Variants in COX5A observed in about 807,000 individuals in gnomAD.
COX5A encodes cytochrome c oxidase subunit 5A.
In COX5A, 6 loss-of-function variants were observed where a neutral mutation model predicts 16.1. The observed-to-expected ratio is 0.37, with a 90% CI of 0.20 to 0.73. The LOEUF (loss-of-function observed/expected upper bound fraction) is 0.73, where lower values mean the gene tolerates loss of function less well. COX5A is among the 30% of genes least tolerant of loss of function. The pLI, the probability that COX5A is intolerant of heterozygous loss-of-function variation, is 0.50. For synonymous variants in COX5A, 73 were observed against 73.8 expected, an observed-to-expected ratio of 0.99 and a Z score of 0.06; for missense variants, 159 against 194.9, an observed-to-expected ratio of 0.82 and a Z score of 1.10.
rs1363914813 is a variant in COX5A at position 74,919,908 on chromosome 15, AAGAG to A, written c.*540_*543del. On this transcript the variant is annotated 3_prime_UTR_variant, in exon 5 of 5. Transcript: ENST00000322347. ...ACAGGTAGGAAAGGAAAGGGGCACT[AAGAG>A]AGGAACACACCGTAAGAGGGCTTGG... 3 of 155,068 alleles carry A rather than the reference AAGAG, an allele frequency of 1.9e-5. No individual in the cohort carries two copies. The highest frequency in any genetic ancestry group is 7.2e-5 in the African/African-American group (3 of 41,534). 9.6% of individuals were successfully genotyped at this position (155,068 alleles called of 1,614,324 possible).
rs1371923673 is a variant in COX5A, at chr15:74,929,159, T to C, written c.174A>G (p.Thr58=). Residue 58 remains threonine (T), a synonymous_variant, in exon 2 of 5, where the codon ACA becomes ACG. Transcript: ENST00000322347. The part of the protein sequence containing the change: ...TDEEFDARWV[T]YFNKPDIDAW... ...CATCTATATCTGGCTTGTTGAAGTA[T>C]GTTACCCAGCGAGCATCAAACTCCT... 1 of 1,614,148 alleles carries C rather than the reference T, an allele frequency of 6.2e-7. No homozygotes were observed. Among genetic ancestry groups the C allele is most frequent in the Non-Finnish European group, 8.5e-7 (1 of 1,179,970 alleles).
intron 1 of COX5A, among the ~76,000 whole-genome samples, chr15:74,930,949 G>A (rs1369874625): frequency 2.1e-5 from 3 of 141,882 alleles, no homozygotes; most frequent in South Asian, 4.7e-4. Context: ...CCCAGGAGGC[G>A]GAGCTTGCAG....
chr15:74,922,750 C>T (rs761588836), intron 4 of COX5A, among the ~76,000 whole-genome samples: 28 of 150,748 alleles, frequency 1.9e-4, no homozygotes, highest in Middle Eastern at 6.9e-3. Context: ...ACTGCAACCT[C>T]TGCCTCCTGG....
chr15:74,922,446 T>C (rs1182428389), intron 4 of COX5A, among the ~76,000 whole-genome samples: 1 of 152,226 alleles, frequency 6.6e-6, no homozygotes, highest in African/African-American at 2.4e-5. Flanking sequence ...CTGTTCAGTT[T>C]CTCAACAGGA....
At chr15:74,925,258 A>AC (rs2065338401) in intron 3 of COX5A, among the ~76,000 whole-genome samples, 1 of 152,056 alleles carries the variant, frequency 6.6e-6, no homozygotes, top group Non-Finnish European at 1.5e-5. Context: ...AGCTGAGATC[A>AC]CGCAATGATT....
At chr15:74,932,184 T>G (rs1394268106) in intron 1 of COX5A, among the ~76,000 whole-genome samples, 3 of 152,236 alleles carry the variant, frequency 2.0e-5, no homozygotes, top group South Asian at 2.1e-4. Flanking sequence ...AAACTAACCC[T>G]TATCTAAAAA....
chr15:74,925,875 T>A (rs910678850), intron 3 of COX5A, among the ~76,000 whole-genome samples: 15 of 151,688 alleles, frequency 9.9e-5, no homozygotes, highest in Admixed American at 9.9e-4. Flanking sequence ...CCTTTCTTTT[T>A]TTTTTTAGAG....
Position 74,920,341 on chromosome 15 carries a change from A to G in COX5A, c.*111T>C. The G allele has an allele frequency of 1.5e-6, 1 of 685,872 alleles. No homozygotes were observed. Among genetic ancestry groups the G allele is most frequent in the South Asian group, 1.6e-5 (1 of 61,958 alleles). The allele number at this position is 685,872 out of a possible 1,614,324, so 42.5% of individuals were successfully genotyped here. ...ACCATTACATGGCTTGGTACTCAAT[A>G]AAGGAAAACTTGTTCAAATAAGGTA... On this transcript the variant is annotated 3_prime_UTR_variant, in exon 5 of 5. Coordinates refer to ENST00000322347, the MANE Select transcript of COX5A (RefSeq NM_004255.4).
intron 1 of COX5A, among the ~76,000 whole-genome samples, chr15:74,934,146 G>T (rs941067855): frequency 3.9e-5 from 6 of 152,190 alleles, no homozygotes; most frequent in African/African-American, 1.2e-4. Context: ...CTACTCAGGA[G>T]GCTGAGGCGG....
intron 1 of COX5A, among the ~76,000 whole-genome samples, chr15:74,935,632 A>T (rs184428900): frequency 5.2e-4 from 79 of 151,742 alleles, no homozygotes; most frequent in African/African-American, 1.1e-3. Context: ...AATAAATAAA[A>T]AATTTTTTTT....
Position 74,937,615 on chromosome 15 carries a change from AGGG to A in COX5A, c.100+297_100+299del, listed in dbSNP as rs143946640. On this transcript the variant is annotated intron_variant, in intron 1 of 4. Transcript: ENST00000322347. The stretch of plus-strand genomic sequence containing the variant: ...GTGGCCGCAGGGTCGGCGCTGGGGC[AGGG>A]TCATGGCCCGGGAACCGAAGGGGAG... The A allele has an allele frequency of 2.1e-3, 488 of 235,350 alleles. 2 individuals carry two copies. Among genetic ancestry groups the A allele is most frequent in the African/African-American group, 0.01 (461 of 44,374 alleles). 14.6% of individuals were successfully genotyped at this position (235,350 alleles called of 1,614,324 possible).
intron 1 of COX5A, among the ~76,000 whole-genome samples, chr15:74,934,246 A>G (rs772202446): frequency 2.0e-5 from 3 of 152,190 alleles, no homozygotes; most frequent in Non-Finnish European, 4.4e-5. Context: ...AACACTCTAT[A>G]TCAAACAAAT....
chr15:74,936,658 G>A (rs376361997), intron 1 of COX5A, among the ~76,000 whole-genome samples: 4 of 122,098 alleles, frequency 3.3e-5, no homozygotes. Flanking sequence ...ACGGAGTCTC[G>A]CTCTGTCGGC....
chr15:74,920,602 G>A (rs1309907926), intron 4 of COX5A, among the ~76,000 whole-genome samples, 160 bp from the exon 5 acceptor site: 1 of 152,200 alleles, frequency 6.6e-6, no homozygotes, highest in Non-Finnish European at 1.5e-5. Context: ...CAAGCGACTA[G>A]CTTTGTGGCT....
intron 1 of COX5A, among the ~76,000 whole-genome samples, chr15:74,936,323 A>C (rs968878054): frequency 2.9e-4 from 44 of 151,132 alleles, no homozygotes; most frequent in Non-Finnish European, 3.5e-4. Flanking sequence ...ACAAAAAAAA[A>C]CAAGGAGTCA....
At chr15:74,933,521 C>G (rs1566982042) in intron 1 of COX5A, among the ~76,000 whole-genome samples, 1 of 152,046 alleles carries the variant, frequency 6.6e-6, no homozygotes, top group East Asian at 1.9e-4. Flanking sequence ...GAACTTAGGG[C>G]CAGATGCAGT....
chr15:74,922,421 A>C (rs887678100), intron 4 of COX5A, among the ~76,000 whole-genome samples: 4 of 152,130 alleles, frequency 2.6e-5, no homozygotes, highest in Non-Finnish European at 4.4e-5. Flanking sequence ...TAGATTACAA[A>C]GTTTTCAGCA....
intron 1 of COX5A, among the ~76,000 whole-genome samples, chr15:74,933,950 G>C (rs2065377866): frequency 6.6e-6 from 1 of 152,158 alleles, no homozygotes; most frequent in South Asian, 2.1e-4. Flanking sequence ...TTGATCATAT[G>C]TCTTCTGGAA....
chr15:74,923,772 T>C lies in COX5A; in HGVS notation c.340-2A>G. On this transcript the variant is annotated splice_acceptor_variant, in intron 3 of 4. Coordinates refer to ENST00000322347, the MANE Select transcript of COX5A (RefSeq NM_004255.4). LOFTEE classifies it high-confidence loss of function. Reference sequence around the variant, plus strand: ...TTCCTTATGAGGTCCTGCTTTGTCCTGATGGCAAAGAGAATATTCACATTT... The same window carrying C: ...TTCCTTATGAGGTCCTGCTTTGTCCCGATGGCAAAGAGAATATTCACATTT... The C allele has an allele frequency of 6.5e-7, 1 of 1,544,766 alleles. No homozygotes were observed. Among genetic ancestry groups the C allele is most frequent in the Non-Finnish European group, 8.9e-7 (1 of 1,118,652 alleles).
Sources: allele counts gnomAD v4.1 joint callset (sites outside exome capture counted in the v4.1 genomes callset), GRCh38; gene constraint gnomAD v4.1.1; transcripts MANE v1.5; gene names NCBI Gene and HGNC (gene_info 2026-07-23, HGNC 2026-07-21).